Variants in CNTN2 observed in about 807,000 individuals in gnomAD.
CNTN2 encodes contactin 2, also known as contactin-2.
CNTN2 carries 53 observed loss-of-function variants against 117.5 expected under a neutral mutation model. The ratio of observed to expected loss-of-function variants is 0.45; its 90% CI spans 0.36 to 0.57. The LOEUF is 0.57. CNTN2 is among the 20% of genes least tolerant of loss of function. CNTN2 has a pLI of 0.00. For missense variants in CNTN2, 1,106 were observed against 1,404.3 expected (o/e 0.79, Z 3.39); for synonymous variants, 530 against 561.7 (o/e 0.94, Z 0.80).
At chr1:205,052,125 G>A (rs900760116) in intron 1 of CNTN2, among the ~76,000 whole-genome samples, 1 of 152,244 alleles carries the variant, frequency 6.6e-6, no homozygotes, top group Non-Finnish European at 1.5e-5. Context: ...AGGCAGAGCA[G>A]AGCAGCAGAA....
Position 205,062,660 on chromosome 1 carries a change from C to T in CNTN2, c.1240+91C>T, listed in dbSNP as rs559161918. 7.2e-5 allele frequency: 102 copies of T among 1,408,026 alleles called. No individual in the cohort carries two copies. The Middle Eastern group carries it at 1.9e-3, about 26-fold the overall frequency. 87.2% of individuals were successfully genotyped at this position (1,408,026 alleles called of 1,614,324 possible). A position where few individuals can be genotyped will look rare whatever the true frequency, so the allele number is the denominator to read the frequency against. ...GTTTAGGTGTTTCCAAACACACATG[C>T]ACATACCCTGTGGCCATTTTCCTTG... is the stretch of plus-strand genomic sequence containing the variant. On this transcript the variant is annotated intron_variant, in intron 10 of 22. Transcript: ENST00000331830.
chr1:205,067,359 C>G, intron 16 of CNTN2, 109 bp downstream of exon 16: 4 of 1,365,914 alleles, frequency 2.9e-6, no homozygotes, highest in Non-Finnish European at 4.0e-6. Context: ...ACCCTGCTCA[C>G]AGGGTTCAGA....
In CNTN2 at chr1:205,077,716, G is replaced by A. The variant is rs1311462185; in HGVS notation, c.*3951G>A. The A allele has an allele frequency of 3.9e-5, 6 of 152,292 alleles. No individual in the cohort carries two copies. The highest frequency in any genetic ancestry group is 2.6e-4 in the Admixed American group (4 of 15,282). The allele number at this position is 152,292 out of a possible 1,614,324, so 9.4% of individuals were successfully genotyped here. ...TCAGATAGCTTTGGCCACAGCCCCAGGCAGCCTTTGGGGCCTATGACACTT... is the reference window on the plus strand; with the variant it reads ...TCAGATAGCTTTGGCCACAGCCCCAAGCAGCCTTTGGGGCCTATGACACTT... On this transcript the variant is annotated 3_prime_UTR_variant, in exon 23 of 23. Transcript: ENST00000331830.
intron 19 of CNTN2, 81 bp from the exon 20 acceptor site, chr1:205,071,866 G>A: frequency 7.4e-7 from 1 of 1,352,288 alleles, no homozygotes; most frequent in Non-Finnish European, 1.0e-6. Flanking sequence ...ATGAGCAAGA[G>A]AGGAACAGAA....
chr1:205,069,004 GTTTTGTTTGTTTGTTTGTTTGTTT>G (rs1461922045), intron 16 of CNTN2: 1 of 78,808 alleles, frequency 1.3e-5, no homozygotes, highest in Non-Finnish European at 2.4e-5. Context: ...AAAGTAGTTT[GTTTTGTTTGTTTGTTTGTTTGTTT>G]GTTTGTTTGT....
chr1:205,071,815 C>G (rs12117194), intron 19 of CNTN2, 132 bp from the exon 20 acceptor site: 365,734 of 785,014 alleles, frequency 0.47, 89,492 homozygotes, highest in Non-Finnish European at 0.51. Flanking sequence ...ATGATCTAGT[C>G]TCCAGGTTCT....
chr1:205,049,469 T>A (rs572311898), intron 1 of CNTN2, among the ~76,000 whole-genome samples: 1 of 151,992 alleles, frequency 6.6e-6, no homozygotes, highest in South Asian at 2.1e-4. Context: ...AAGCATTACA[T>A]CCACGCACAC....
chr1:205,056,259 C>T (rs3767296), intron 2 of CNTN2, among the ~76,000 whole-genome samples: 4,283 of 152,238 alleles, frequency 0.028, 88 homozygotes, highest in Non-Finnish European at 0.046. Context: ...CCCAGCAGTC[C>T]GGCTGCCTCC....
Position 205,077,310 on chromosome 1 carries a change from G to T in CNTN2, c.*3545G>T, listed in dbSNP as rs970078631. 1.3e-5 allele frequency: 2 copies of T among 152,290 alleles called. No homozygotes were observed. Among genetic ancestry groups the T allele is most frequent in the African/African-American group, 4.8e-5 (2 of 41,464 alleles). The allele number at this position is 152,290 out of a possible 1,614,324, so 9.4% of individuals were successfully genotyped here. Reference sequence around the variant, plus strand: ...CAGCCAGCCTGTACTCTGGGCAAGAGCCCAAAATGGCTAGGAATGTTTGAC... The same window carrying T: ...CAGCCAGCCTGTACTCTGGGCAAGATCCCAAAATGGCTAGGAATGTTTGAC... On this transcript the variant is annotated 3_prime_UTR_variant, in exon 23 of 23. Coordinates refer to ENST00000331830, the MANE Select transcript of CNTN2 (RefSeq NM_005076.5).
intron 1 of CNTN2, among the ~76,000 whole-genome samples, chr1:205,051,042 G>A (rs925869340): frequency 1.3e-4 from 20 of 152,350 alleles, no homozygotes; most frequent in South Asian, 6.2e-4. Context: ...TAACCCCATC[G>A]TAAGTCAAGG....
chr1:205,075,136 C>T lies in CNTN2; in HGVS notation c.*1371C>T. On this transcript the variant is annotated 3_prime_UTR_variant, in exon 23 of 23. Transcript: ENST00000331830. ...TGGGTTAAGAACTCGAGTCTTCCACCTTTCTGTTCAAGGCTGTTTGTCTAC... is the reference window on the plus strand; with the variant it reads ...TGGGTTAAGAACTCGAGTCTTCCACTTTTCTGTTCAAGGCTGTTTGTCTAC... 1 of 381,104 alleles carries T rather than the reference C, an allele frequency of 2.6e-6. No homozygotes were observed. Among genetic ancestry groups the T allele is most frequent in the Non-Finnish European group, 4.6e-6 (1 of 215,490 alleles). The allele number at this position is 381,104 out of a possible 1,614,324, so 23.6% of individuals were successfully genotyped here. A position where few individuals can be genotyped will look rare whatever the true frequency, so the allele number is the denominator to read the frequency against.
chr1:205,049,281 G>GACACACACACACACAC (rs3835569), intron 1 of CNTN2, among the ~76,000 whole-genome samples: 1 of 120,640 alleles, frequency 8.3e-6, no homozygotes, highest in African/African-American at 3.0e-5. Context: ...CCTCACACCC[G>GACACACACACACACAC]ACACACACAC....
rs1391853819 is a variant in CNTN2, at chr1:205,069,553, AACTGG to A, written c.2191_2195del (p.Trp731AlafsTer53). On this transcript the variant is annotated frameshift_variant, in exon 17 of 23. Coordinates refer to ENST00000331830, the MANE Select transcript of CNTN2 (RefSeq NM_005076.5). LOFTEE classifies it high-confidence loss of function. ...TGGAGCCCCCGGAGAGCTCATCGTC[AACTGG>A]ACGGTAAGCTGCAAGGGTCAGATGT... 1 of 1,613,338 alleles carries A rather than the reference AACTGG, an allele frequency of 6.2e-7. No homozygotes were observed.
intron 2 of CNTN2, among the ~76,000 whole-genome samples, chr1:205,056,153 C>T (rs182704025): frequency 2.6e-5 from 4 of 152,206 alleles, no homozygotes; most frequent in African/African-American, 7.2e-5. Context: ...AAAGGTTTCT[C>T]GGGAAGAAAG....
intron 14 of CNTN2, 182 bp from the exon 15 acceptor site, chr1:205,066,256 CCAA>C (rs1329014372): frequency 3.6e-5 from 24 of 673,912 alleles, no homozygotes; most frequent in South Asian, 7.7e-5. Context: ...ATCCCTCCAC[CCAA>C]CAACTGGCAC....
chr1:205,061,540 T>A lies in CNTN2; in HGVS notation c.973+120T>A. 8.2e-7 allele frequency: 1 copy of A among 1,223,514 alleles called. No individual in the cohort carries two copies. Among genetic ancestry groups the A allele is most frequent in the Non-Finnish European group, 1.1e-6 (1 of 894,108 alleles). 75.8% of individuals were successfully genotyped at this position (1,223,514 alleles called of 1,614,324 possible). On this transcript the variant is annotated intron_variant, in intron 8 of 22. Transcript: ENST00000331830. The surrounding 1 kb of genome is among the most constrained non-coding windows in gnomAD (Gnocchi z 4.8). The stretch of plus-strand genomic sequence containing the variant: ...GACTGGGAGGCCCCCTGCATGAGCC[T>A]GCTTGCCCTAGGACTGCACTGAGTC...
rs375066510 is a variant in CNTN2, at chr1:205,048,588, C to T, written c.-86-4512C>T. Reference sequence around the variant, plus strand: ...GCTGGCTCAGGGTTCGCAGGGCCAGCTCTGGGCCTGGCATAGCTCCACTCC... The same window carrying T: ...GCTGGCTCAGGGTTCGCAGGGCCAGTTCTGGGCCTGGCATAGCTCCACTCC... On this transcript the variant is annotated intron_variant, in intron 1 of 22. Transcript: ENST00000331830. The surrounding 1 kb of genome is among the most constrained non-coding windows in gnomAD (Gnocchi z 4.1). 2.0e-5 allele frequency among the ~76,000 whole-genome samples: 3 copies of T among 152,300 alleles called. No individual in the cohort carries two copies. In the East Asian group the frequency reaches 5.8e-4, roughly 29 times the overall value.
At position 205,053,055 on chromosome 1, in the gene CNTN2, G is replaced by A. The variant is rs112842283; in HGVS notation, c.-86-45G>A. 5.4e-4 allele frequency: 308 copies of A among 570,540 alleles called. 1 individual carries two copies. The highest frequency in any genetic ancestry group is 4.8e-3 in the African/African-American group (252 of 52,246). The allele number at this position is 570,540 out of a possible 1,614,324, so 35.3% of individuals were successfully genotyped here. On this transcript the variant is annotated intron_variant, in intron 1 of 22. Transcript: ENST00000331830. Reference sequence around the variant, plus strand: ...ACCCAGATGTGCCTGGAGCTGGGAGGGGCGCTCCTCGGCTCAGAGCCCTCC... The same window carrying A: ...ACCCAGATGTGCCTGGAGCTGGGAGAGGCGCTCCTCGGCTCAGAGCCCTCC...
chr1:205,053,407 T>C (rs939637860), intron 2 of CNTN2, 152 bp downstream of exon 2: 3 of 551,404 alleles, frequency 5.4e-6, no homozygotes, highest in Non-Finnish European at 6.2e-6. Flanking sequence ...AAATTTCCCA[T>C]TTGTAGATCT....
Sources: gnomAD v4.1 joint callset for allele counts (sites outside exome capture counted in the v4.1 genomes callset) on GRCh38, gnomAD v4.1.1 for gene constraint, Gnocchi (gnomAD v3.1) non-coding constraint, MANE v1.5 for transcripts, NCBI Gene and HGNC (gene_info 2026-07-23, HGNC 2026-07-21) for gene names.